Variants in CDKAL1 observed in about 807,000 individuals in gnomAD.
The protein encoded by CDKAL1 is threonylcarbamoyladenosine tRNA methylthiotransferase.
A neutral mutation model predicts 68.2 loss-of-function variants in CDKAL1; 32 were observed. The ratio of observed to expected loss-of-function variants is 0.47; its 90% confidence interval spans 0.35 to 0.63. CDKAL1 has a LOEUF of 0.63. Ranked by LOEUF, CDKAL1 falls within the 30% of genes least tolerant of loss-of-function variation. The pLI, the probability that CDKAL1 is intolerant of heterozygous loss-of-function variation, is 0.00. For synonymous variants in CDKAL1, 234 were observed against 244.3 expected, an observed-to-expected ratio of 0.96 and a Z score of 0.39; for missense variants, 606 against 696.7, an observed-to-expected ratio of 0.87 and a Z score of 1.47.
chr6:20,633,303 G>A (rs1368690010), intron 4 of CDKAL1, among the ~76,000 whole-genome samples: 1 of 152,136 alleles, frequency 6.6e-6, no homozygotes, highest in Non-Finnish European at 1.5e-5. Flanking sequence ...ATGTTCTTTT[G>A]TGCCTGACCT....
chr6:20,960,928 G>C (rs1006633153), intron 10 of CDKAL1, among the ~76,000 whole-genome samples: 3 of 152,340 alleles, frequency 2.0e-5, no homozygotes, highest in Admixed American at 2.0e-4. Context: ...CGAATTTGTA[G>C]ATGATCCAGG....
At chr6:20,640,482 G>A (rs1475512979) in intron 4 of CDKAL1, among the ~76,000 whole-genome samples, 1 of 152,028 alleles carries the variant, frequency 6.6e-6, no homozygotes, top group African/African-American at 2.4e-5. Context: ...TGTGCTTTAG[G>A]GTAATAATCC....
chr6:20,748,240 G>GC, intron 6 of CDKAL1, among the ~76,000 whole-genome samples: 1 of 152,196 alleles, frequency 6.6e-6, no homozygotes, highest in South Asian at 2.1e-4. Context: ...TGTAATTGCC[G>GC]CAACTCAAGA....
chr6:20,992,031 CTTTTTTTTT>C (rs71530401), intron 10 of CDKAL1, among the ~76,000 whole-genome samples: 1 of 100,476 alleles, frequency 1.0e-5, no homozygotes, highest in Non-Finnish European at 1.9e-5. Flanking sequence ...TTTTTCTTTT[CTTTTTTTTT>C]TTTTTTTTTT....
intron 13 of CDKAL1, among the ~76,000 whole-genome samples, chr6:21,133,180 T>G (rs1229915303): frequency 6.6e-6 from 1 of 152,194 alleles, no homozygotes; most frequent in Non-Finnish European, 1.5e-5. Flanking sequence ...AAGATGCCAA[T>G]TCACGTGTCA....
At chr6:20,546,856 A>G (rs372750559) in intron 3 of CDKAL1, among the ~76,000 whole-genome samples, 1 of 152,204 alleles carries the variant, frequency 6.6e-6, no homozygotes, top group Non-Finnish European at 1.5e-5. Flanking sequence ...GCACGGCCGA[A>G]ATTATATTCA....
intron 9 of CDKAL1, among the ~76,000 whole-genome samples, chr6:20,873,319 A>T (rs1054252513): frequency 2.0e-5 from 3 of 152,178 alleles, no homozygotes; most frequent in African/African-American, 4.8e-5. Context: ...ACTCTTTGTC[A>T]TAGGTCTCTA....
intron 15 of CDKAL1, among the ~76,000 whole-genome samples, chr6:21,202,954 G>C (rs576536809): frequency 8.5e-5 from 13 of 152,294 alleles, no homozygotes; most frequent in African/African-American, 3.1e-4. Flanking sequence ...GTCTGTTAGA[G>C]CCTCTAGAAA....
intron 4 of CDKAL1, among the ~76,000 whole-genome samples, chr6:20,603,845 C>T (rs532271047): frequency 7.5e-6 from 1 of 133,304 alleles, no homozygotes; most frequent in Non-Finnish European, 1.5e-5. Context: ...GGTGTGATAC[C>T]GGCTCACTGC....
chr6:21,019,919 A>C (rs1768550442), intron 11 of CDKAL1, among the ~76,000 whole-genome samples: 1 of 151,278 alleles, frequency 6.6e-6, no homozygotes, highest in South Asian at 2.1e-4. Context: ...TTTTTTATAC[A>C]GTGGCCACTG....
At chr6:21,215,719 G>T (rs968562952) in intron 15 of CDKAL1, among the ~76,000 whole-genome samples, 1 of 152,136 alleles carries the variant, frequency 6.6e-6, no homozygotes, top group African/African-American at 2.4e-5. Context: ...TAGATATCCG[G>T]TGCTTTTCTC....
At chr6:20,947,552 C>A (rs1000959101) in intron 9 of CDKAL1, among the ~76,000 whole-genome samples, 1 of 152,146 alleles carries the variant, frequency 6.6e-6, no homozygotes, top group Admixed American at 6.5e-5. Flanking sequence ...GATCACACCA[C>A]TGCATTGCAG....
At chr6:21,103,643 C>G (rs1298996726) in intron 12 of CDKAL1, among the ~76,000 whole-genome samples, 1 of 152,036 alleles carries the variant, frequency 6.6e-6, no homozygotes, top group African/African-American at 2.4e-5. Flanking sequence ...TTTTAAATAT[C>G]CTCTCATCTC....
chr6:21,060,038 G>A (rs1378784294), intron 11 of CDKAL1, among the ~76,000 whole-genome samples: 2 of 152,058 alleles, frequency 1.3e-5, no homozygotes, highest in African/African-American at 4.8e-5. Flanking sequence ...TCTGGTTTTT[G>A]TAACAGGGTA....
chr6:20,855,892 C>G (rs1759309581), intron 9 of CDKAL1, among the ~76,000 whole-genome samples: 1 of 152,086 alleles, frequency 6.6e-6, no homozygotes, highest in African/African-American at 2.4e-5. Context: ...AAATAGCCTG[C>G]CCATTTTCCA....
chr6:20,944,548 T>C (rs1764144443), intron 9 of CDKAL1, among the ~76,000 whole-genome samples: 1 of 152,238 alleles, frequency 6.6e-6, no homozygotes, highest in Non-Finnish European at 1.5e-5. Flanking sequence ...GGTTTCCATG[T>C]TGGCCAGGCT....
intron 13 of CDKAL1, among the ~76,000 whole-genome samples, chr6:21,185,007 C>A (rs940294952): frequency 3.3e-5 from 5 of 151,860 alleles, no homozygotes; most frequent in Non-Finnish European, 7.4e-5. Flanking sequence ...TCCTACAATG[C>A]AGTAATTTTG....
chr6:20,794,121 CCTT>C (rs1561783360), intron 8 of CDKAL1, among the ~76,000 whole-genome samples: 2 of 151,672 alleles, frequency 1.3e-5, no homozygotes, highest in African/African-American at 2.4e-5. Context: ...TTTTTAAAAT[CCTT>C]CTTTAAATTA....
intron 10 of CDKAL1, among the ~76,000 whole-genome samples, chr6:20,992,905 G>A (rs72834337): frequency 1.2e-3 from 177 of 143,982 alleles, no homozygotes; most frequent in Non-Finnish European, 1.3e-3. Flanking sequence ...CTGTCTCAAA[G>A]AAAAAAAAAA....
Sources: gnomAD v4.1 joint callset for allele counts (sites outside exome capture counted in the v4.1 genomes callset) on GRCh38, gnomAD v4.1.1 for gene constraint, MANE v1.5 for transcripts, NCBI Gene and HGNC (gene_info 2026-07-23, HGNC 2026-07-21) for gene names.